Variants in MIA3 observed in about 807,000 individuals in gnomAD.
MIA3 encodes the protein transport and Golgi organization protein 1 homolog.
In MIA3, 90 loss-of-function variants were observed where a neutral mutation model predicts 192.4. The observed-to-expected ratio is 0.47, with a 90% CI of 0.39 to 0.56. The LOEUF is 0.56. MIA3 is among the 20% of genes least tolerant of loss of function. The pLI is 0.00. For missense variants in MIA3, 2,123 were observed against 2,269.4 expected (o/e 0.94, Z 1.31); for synonymous variants, 740 against 792.8 (o/e 0.93, Z 1.12).
At chr1:222,640,978 A>G (rs1401718162) in intron 6 of MIA3, among the ~76,000 whole-genome samples, 1 of 152,240 alleles carries the variant, frequency 6.6e-6, no homozygotes, top group Non-Finnish European at 1.5e-5. Context: ...GTTCACCATA[A>G]TTATCAGGGA....
At chr1:222,624,300 G>A (rs908632350) in intron 2 of MIA3, among the ~76,000 whole-genome samples, 1 of 152,150 alleles carries the variant, frequency 6.6e-6, no homozygotes, top group Non-Finnish European at 1.5e-5. Flanking sequence ...TTTTGCAGTC[G>A]AGAGAAATAT....
At chr1:222,645,244 G>A (rs1281405512) in intron 6 of MIA3, among the ~76,000 whole-genome samples, 1 of 152,162 alleles carries the variant, frequency 6.6e-6, no homozygotes, top group African/African-American at 2.4e-5. Context: ...CAAGACAAAA[G>A]TATGATGCAG....
intron 9 of MIA3, 22 bp downstream of exon 9, chr1:222,650,402 T>G (rs754024285): frequency 3.3e-5 from 43 of 1,319,134 alleles, no homozygotes; most frequent in South Asian, 6.4e-5. Flanking sequence ...CTTTGTTTTT[T>G]TTTTTTTTCA....
intron 2 of MIA3, among the ~76,000 whole-genome samples, chr1:222,621,589 C>T (rs1016379931): frequency 6.6e-6 from 1 of 152,096 alleles, no homozygotes; most frequent in Non-Finnish European, 1.5e-5. Context: ...TACTTCATTG[C>T]TTTAAAAAGG....
intron 7 of MIA3, among the ~76,000 whole-genome samples, chr1:222,647,621 AT>A (rs1432181229): frequency 3.9e-5 from 6 of 152,278 alleles, no homozygotes; most frequent in Admixed American, 2.6e-4. Context: ...AACATTTTAC[AT>A]TTCCCACTCT....
At chr1:222,660,489 A>G (rs1006461863) in intron 24 of MIA3, 175 bp downstream of exon 24, 4 of 481,964 alleles carry the variant, frequency 8.3e-6, no homozygotes, top group African/African-American at 2.0e-5. Flanking sequence ...TTGCTTTAGA[A>G]CAGAAGGCAT....
Position 222,629,836 on chromosome 1 carries a change from G to A in MIA3, c.2616G>A (p.Glu872=). Residue 872 remains glutamate, a synonymous_variant, in exon 4 of 28, where the codon GAG becomes GAA. Transcript: ENST00000344922. The part of the protein sequence containing the change: ...LKTSGLAGEP[E]GELSKEDHEN... The stretch of plus-strand genomic sequence containing the variant: ...CCTCAGGGCTTGCAGGGGAGCCTGA[G>A]GGAGAACTCTCAAAAGAGGACCATG... The A allele has an allele frequency of 1.9e-6, 3 of 1,613,784 alleles. No individual in the cohort carries two copies. Among genetic ancestry groups the A allele is most frequent in the Non-Finnish European group, 2.5e-6 (3 of 1,179,948 alleles).
intron 18 of MIA3, 103 bp from the exon 19 acceptor site, chr1:222,658,619 C>T (rs1015627543): frequency 5.2e-6 from 4 of 764,616 alleles, no homozygotes; most frequent in Non-Finnish European, 8.4e-6. Context: ...ATAATCTATG[C>T]ATTTTTAAGA....
chr1:222,646,257 A>G, intron 7 of MIA3: 1 of 152,132 alleles, frequency 6.6e-6, no homozygotes, highest in Non-Finnish European at 1.5e-5. Flanking sequence ...CTCTTCTAAA[A>G]ATACGAAAAT....
At chr1:222,662,490 A>T in intron 26 of MIA3, 158 bp downstream of exon 26, 1 of 1,450,428 alleles carries the variant, frequency 6.9e-7, no homozygotes, top group Non-Finnish European at 9.1e-7. Context: ...AAGTCCCCTC[A>T]GTTCCCAGCA....
chr1:222,663,345 G>A (rs148326923), intron 26 of MIA3, among the ~76,000 whole-genome samples: 23 of 152,288 alleles, frequency 1.5e-4, no homozygotes, highest in African/African-American at 5.1e-4. Context: ...TTCGAAGAGT[G>A]TAGAGACTAC....
At chr1:222,645,486 T>C in intron 6 of MIA3, 68 bp from the exon 7 acceptor site, 1 of 1,437,602 alleles carries the variant, frequency 7.0e-7, no homozygotes, top group Non-Finnish European at 9.4e-7. Context: ...GAATGAGTCT[T>C]TGTGACTGCT....
Position 222,665,608 on chromosome 1 carries a change from CAG to C in MIA3, c.5716_5717del (p.Ser1906ProfsTer5). The C allele has an allele frequency of 6.3e-7, 1 of 1,588,192 alleles. No individual in the cohort carries two copies. The highest frequency in any genetic ancestry group is 8.5e-7 in the Non-Finnish European group (1 of 1,169,648). ...TSQDCSQALKQSP is the reference protein window; with the variant it reads ...TSQDCSQALKXSP Reference sequence around the variant, plus strand: ...CCAGGACTGTTCACAGGCTTTAAAACAGAGCCCATAAAACTATGACCTCTGAG... The same window carrying C: ...CCAGGACTGTTCACAGGCTTTAAAACAGCCCATAAAACTATGACCTCTGAG... On this transcript the variant is annotated frameshift_variant, in exon 28 of 28. Transcript: ENST00000344922. LOFTEE classifies it high-confidence loss of function.
intron 18 of MIA3, among the ~76,000 whole-genome samples, chr1:222,656,670 T>G (rs1050891584): frequency 6.6e-6 from 1 of 152,102 alleles, no homozygotes; most frequent in Admixed American, 6.6e-5. Context: ...TTTTCACATA[T>G]TAATTCTATC....
intron 1 of MIA3, among the ~76,000 whole-genome samples, chr1:222,618,801 T>A (rs940654328): frequency 1.3e-5 from 2 of 152,156 alleles, no homozygotes; most frequent in African/African-American, 4.8e-5. Context: ...GCGCTGCTCC[T>A]TTGCCCTTCT....
chr1:222,655,214 T>C (rs1663654182), intron 18 of MIA3, among the ~76,000 whole-genome samples: 1 of 152,278 alleles, frequency 6.6e-6, no homozygotes. Context: ...ATTTACTTAT[T>C]GAAGGTACAT....
intron 2 of MIA3, among the ~76,000 whole-genome samples, chr1:222,623,405 C>G (rs760306512): frequency 6.6e-6 from 1 of 151,916 alleles, no homozygotes; most frequent in African/African-American, 2.4e-5. Context: ...GATTTGTTTC[C>G]TTTTTCCAGG....
chr1:222,634,245 C>T (rs552831177), intron 6 of MIA3, among the ~76,000 whole-genome samples: 4 of 151,794 alleles, frequency 2.6e-5, no homozygotes, highest in South Asian at 2.1e-4. Flanking sequence ...AGCTTGAGCC[C>T]GGGAGGCAGA....
At position 222,624,748 on chromosome 1, in the gene MIA3, T is replaced by A. The variant is rs376408958; in HGVS notation, c.268-20T>A. The A allele has an allele frequency of 5.0e-6, 6 of 1,192,064 alleles. No individual in the cohort carries two copies. The highest frequency in any genetic ancestry group is 4.5e-5 in the African/African-American group (3 of 66,656). The allele number at this position is 1,192,064 out of a possible 1,614,324, so 73.8% of individuals were successfully genotyped here. A position where few individuals can be genotyped will look rare whatever the true frequency, so the allele number is the denominator to read the frequency against. ...AGAATTTGATTGATATGTGTCCCTT[T>A]TGCCCATTCTTTTGTGTAGGTTGGA... On this transcript the variant is annotated intron_variant, in intron 2 of 27. Coordinates refer to ENST00000344922, the MANE Select transcript of MIA3 (RefSeq NM_198551.4).
Sources: gnomAD v4.1 joint callset for allele counts (sites outside exome capture counted in the v4.1 genomes callset) on GRCh38, gnomAD v4.1.1 for gene constraint, MANE v1.5 for transcripts, NCBI Gene and HGNC (gene_info 2026-07-23, HGNC 2026-07-21) for gene names.